The following GABRG1 variants were observed in gnomAD, a reference collection of about 807,000 sequenced individuals.
GABRG1 encodes the protein gamma-aminobutyric acid type A receptor subunit gamma1.
GABRG1 carries 49 observed loss-of-function variants against 49.8 expected under a neutral mutation model. That is an observed-to-expected ratio of 0.98 (90% CI 0.78 to 1.25). The LOEUF (loss-of-function observed/expected upper bound fraction) is 1.25, where lower values mean the gene tolerates loss of function less well. GABRG1 is among the 50% of genes most tolerant of loss of function. The probability of loss-of-function intolerance (pLI) is 0.00; values close to 1 mark genes in which losing one functional copy is unlikely to be tolerated. For synonymous variants in GABRG1, 232 were observed against 185.1 expected (o/e 1.25, Z -2.06); for missense variants, 552 against 552.3 (o/e 1.00, Z 0.01).
At chr4:46,077,050 G>C (rs1244126072) in intron 3 of GABRG1, among the ~76,000 whole-genome samples, 1 of 144,956 alleles carries the variant, frequency 6.9e-6, no homozygotes, top group Non-Finnish European at 1.5e-5. Context: ...TAATGACATA[G>C]TATATCATTA....
chr4:46,062,082 T>C (rs1718716364), intron 5 of GABRG1, among the ~76,000 whole-genome samples: 1 of 136,810 alleles, frequency 7.3e-6, no homozygotes, highest in Non-Finnish European at 1.5e-5. Context: ...TGTGTCCATG[T>C]GTTCTCATTG....
intron 1 of GABRG1, among the ~76,000 whole-genome samples, chr4:46,117,470 A>G (rs1720933934): frequency 6.7e-6 from 1 of 150,008 alleles, no homozygotes; most frequent in South Asian, 2.1e-4. Flanking sequence ...TTCACCTAAA[A>G]TATATAGGAA....
At chr4:46,075,285 T>C (rs1227207795) in intron 3 of GABRG1, among the ~76,000 whole-genome samples, 5 of 152,080 alleles carry the variant, frequency 3.3e-5, no homozygotes, top group African/African-American at 9.7e-5. Context: ...AATTCTCTGA[T>C]AAGCACTTTC....
At chr4:46,084,466 G>T (rs1719682505) in intron 2 of GABRG1, among the ~76,000 whole-genome samples, 2 of 151,574 alleles carry the variant, frequency 1.3e-5, no homozygotes, top group African/African-American at 4.8e-5. Context: ...AAGTCTGGCA[G>T]GCTGAATATC....
At chr4:46,068,414 G>C (rs1312605561) in intron 3 of GABRG1, among the ~76,000 whole-genome samples, 2 of 152,110 alleles carry the variant, frequency 1.3e-5, no homozygotes, top group East Asian at 3.9e-4. Flanking sequence ...TTCCAAAGCA[G>C]CTGTCAATAC....
At chr4:46,080,386 C>T (rs972866916) in intron 3 of GABRG1, among the ~76,000 whole-genome samples, 1 of 151,790 alleles carries the variant, frequency 6.6e-6, no homozygotes, top group Non-Finnish European at 1.5e-5. Context: ...AAATAGTCTT[C>T]TACTTAACCT....
intron 4 of GABRG1, 111 bp from the exon 5 acceptor site, chr4:46,064,634 T>A (rs1005990471): frequency 1.2e-4 from 56 of 460,550 alleles, no homozygotes; most frequent in Admixed American, 7.9e-5. Flanking sequence ...GATTGTGACC[T>A]ATTAGAATAT....
intron 5 of GABRG1, 87 bp downstream of exon 5, chr4:46,064,354 C>A (rs1477926639): frequency 4.3e-6 from 3 of 697,626 alleles, no homozygotes; most frequent in East Asian, 3.1e-5. Flanking sequence ...TTTTGAAAAT[C>A]CTATTTTATT....
intron 7 of GABRG1, among the ~76,000 whole-genome samples, chr4:46,056,124 G>GAAAA (rs1169065450): frequency 4.6e-3 from 35 of 7,618 alleles, no homozygotes; most frequent in South Asian, 7.9e-3. Context: ...AAAAAGAAAG[G>GAAAA]AAAAAAAAAA....
intron 3 of GABRG1, among the ~76,000 whole-genome samples, chr4:46,072,868 A>C (rs1188010327): frequency 6.7e-6 from 1 of 149,978 alleles, no homozygotes; most frequent in Non-Finnish European, 1.5e-5. Context: ...TTTTAAACTT[A>C]CTTTGCCTCT....
chr4:46,110,966 C>A (rs1402623617), intron 1 of GABRG1, among the ~76,000 whole-genome samples: 1 of 151,058 alleles, frequency 6.6e-6, no homozygotes, highest in African/African-American at 2.4e-5. Flanking sequence ...TCCTACCACT[C>A]CTATTCAACG....
At chr4:46,069,349 G>A (rs916768730) in intron 3 of GABRG1, among the ~76,000 whole-genome samples, 2 of 152,062 alleles carry the variant, frequency 1.3e-5, no homozygotes, top group African/African-American at 4.8e-5. Context: ...CTATAGACAT[G>A]TAGAGAAAAA....
chr4:46,084,135 AT>A, intron 2 of GABRG1, 82 bp from the exon 3 acceptor site: 1 of 725,890 alleles, frequency 1.4e-6, no homozygotes, highest in Non-Finnish European at 2.4e-6. Flanking sequence ...AGAAATCTTA[AT>A]AACTACTTAT....
intron 1 of GABRG1, among the ~76,000 whole-genome samples, chr4:46,099,797 T>C (rs13126197): frequency 0.063 from 9,539 of 151,652 alleles, 529 homozygotes; most frequent in African/African-American, 0.13. Context: ...CTAAAACCCA[T>C]GGTCCTTCTA....
chr4:46,037,948 A>G lies in GABRG1; in HGVS notation c.*3040T>C, dbSNP rs556386575. On this transcript the variant is annotated 3_prime_UTR_variant, in exon 9 of 9. Transcript: ENST00000295452. ...TGTTCTTGAGACAAAAACATTGTCTATTTTATGATGATATACTAATGCCAG... is the reference window on the plus strand; with the variant it reads ...TGTTCTTGAGACAAAAACATTGTCTGTTTTATGATGATATACTAATGCCAG... 54 of 151,794 alleles carry G rather than the reference A, an allele frequency of 3.6e-4. No individual in the cohort carries two copies. The highest frequency in any genetic ancestry group is 1.2e-3 in the African/African-American group (50 of 41,522). The allele number at this position is 151,794 out of a possible 1,614,324, so 9.4% of individuals were successfully genotyped here. A position where few individuals can be genotyped will look rare whatever the true frequency, so the allele number is the denominator to read the frequency against.
chr4:46,065,345 A>AT lies in GABRG1; in HGVS notation c.542+18dup. 6.9e-7 allele frequency: 1 copy of AT among 1,452,816 alleles called. No individual in the cohort carries two copies. The highest frequency in any genetic ancestry group is 1.9e-5 in the Admixed American group (1 of 53,080). 90.0% of individuals were successfully genotyped at this position (1,452,816 alleles called of 1,614,324 possible). On this transcript the variant is annotated intron_variant, in intron 4 of 8. Transcript: ENST00000295452. ...GGAAAATAAATGAGAGCAACTACAGATTTTTAAACCAATATTACCTTAGAG... is the reference window on the plus strand; with the variant it reads ...GGAAAATAAATGAGAGCAACTACAGATTTTTTAAACCAATATTACCTTAGAG...
intron 2 of GABRG1, among the ~76,000 whole-genome samples, chr4:46,089,204 A>C (rs1252279243): frequency 6.6e-6 from 1 of 152,040 alleles, no homozygotes; most frequent in Non-Finnish European, 1.5e-5. Context: ...ACAGAAGAGC[A>C]TCCAGATTTC....
In GABRG1 at chr4:46,053,420, A is replaced by G. The variant is rs190099078; in HGVS notation, c.917-1782T>C. ...CTTTTTCTTGTAGTTCTAACAATGA[A>G]TGAGAAAACAGTATGGTTGCAGATT... On this transcript the variant is annotated intron_variant, in intron 7 of 8. Coordinates refer to ENST00000295452, the MANE Select transcript of GABRG1 (RefSeq NM_173536.4). Among the ~76,000 whole-genome samples the G allele has an allele frequency of 4.0e-3, 568 of 143,626 alleles. 11 individuals are homozygous for G. The South Asian group carries it at 0.07, about 18-fold the overall frequency. The allele number at this position is 143,626 out of a possible 152,430, so 94.2% of individuals were successfully genotyped here. A position where few individuals can be genotyped will look rare whatever the true frequency, so the allele number is the denominator to read the frequency against.
chr4:46,110,241 A>T (rs1720673512), intron 1 of GABRG1, among the ~76,000 whole-genome samples: 2 of 151,024 alleles, frequency 1.3e-5, no homozygotes, highest in Admixed American at 1.3e-4. Context: ...CTTCTTGTTG[A>T]ATTGCACCCT....
Sources: gnomAD v4.1 joint callset for allele counts (sites outside exome capture counted in the v4.1 genomes callset) on GRCh38, gnomAD v4.1.1 for gene constraint, MANE v1.5 for transcripts, NCBI Gene and HGNC (gene_info 2026-07-23, HGNC 2026-07-21) for gene names.